FBXL7: variants seen among roughly 807,000 people sequenced by gnomAD.
FBXL7 encodes the protein F-box/LRR-repeat protein 7.
FBXL7 carries 12 observed loss-of-function variants against 38.3 expected under a neutral mutation model. The observed-to-expected ratio is 0.31, with a 90% CI of 0.20 to 0.51. FBXL7 has a LOEUF of 0.51. FBXL7 is among the 20% of genes least tolerant of loss of function. The pLI, the probability that FBXL7 is intolerant of heterozygous loss-of-function variation, is 0.98. For missense variants in FBXL7, 567 were observed against 676.4 expected (o/e 0.84, Z 1.79); for synonymous variants, 297 against 300.9 (o/e 0.99, Z 0.13).
At chr5:15,804,117 G>T (rs187025286) in intron 2 of FBXL7, among the ~76,000 whole-genome samples, 8 of 152,204 alleles carry the variant, frequency 5.3e-5, no homozygotes, top group Admixed American at 5.2e-4. Flanking sequence ...GTTAATTCCA[G>T]GATATTTTAC....
At chr5:15,845,386 C>T (rs1387843845) in intron 2 of FBXL7, among the ~76,000 whole-genome samples, 2 of 152,022 alleles carry the variant, frequency 1.3e-5, no homozygotes, top group Admixed American at 6.6e-5. Context: ...TTTTAAGTGT[C>T]AAGGTTATAG....
intron 2 of FBXL7, among the ~76,000 whole-genome samples, chr5:15,901,818 T>C (rs1201580662): frequency 6.6e-6 from 1 of 152,242 alleles, no homozygotes; most frequent in Non-Finnish European, 1.5e-5. Context: ...AATCTGGATA[T>C]GATTGCCGTG....
chr5:15,827,037 G>A (rs1053070632), intron 2 of FBXL7, among the ~76,000 whole-genome samples: 5 of 151,384 alleles, frequency 3.3e-5, no homozygotes, highest in African/African-American at 4.9e-5. Context: ...ATCACCTTCC[G>A]CACTTCCTGC....
In FBXL7 at chr5:15,517,050, A is replaced by G. The variant is rs1736961639; in HGVS notation, c.37+16337A>G. Among the ~76,000 whole-genome samples the G allele has an allele frequency of 5.3e-5, 8 of 151,706 alleles. No homozygotes were observed. The South Asian group carries it at 1.7e-3, about 32-fold the overall frequency. ...ATTTTTTATTTTTATTTTTTGAGGCAGAGTCTCGCTCTGTCGCCCAGGCTG... is the reference window on the plus strand; with the variant it reads ...ATTTTTTATTTTTATTTTTTGAGGCGGAGTCTCGCTCTGTCGCCCAGGCTG... On this transcript the variant is annotated intron_variant, in intron 1 of 3. Transcript: ENST00000504595.
intron 2 of FBXL7, among the ~76,000 whole-genome samples, chr5:15,914,093 G>A (rs1288564224): frequency 6.6e-6 from 1 of 152,182 alleles, no homozygotes; most frequent in African/African-American, 2.4e-5. Flanking sequence ...TATTAGAAAT[G>A]AGCAGGGGGC....
At chr5:15,501,357 T>G in intron 1 of FBXL7, 1 of 934,528 alleles carries the variant, frequency 1.1e-6, no homozygotes. Context: ...TAGGGAAACT[T>G]TAAACTCCAC....
intron 2 of FBXL7, among the ~76,000 whole-genome samples, chr5:15,760,145 G>T (rs1736399671): frequency 1.3e-5 from 2 of 152,006 alleles, no homozygotes; most frequent in South Asian, 2.1e-4. Flanking sequence ...GCATTGCTGG[G>T]AGAAGCCTCC....
chr5:15,890,254 G>A (rs1426049971), intron 2 of FBXL7, among the ~76,000 whole-genome samples: 1 of 151,824 alleles, frequency 6.6e-6, no homozygotes, highest in Non-Finnish European at 1.5e-5. Flanking sequence ...GATTCTTTTT[G>A]TTTTTTTGTT....
At chr5:15,774,295 T>A (rs1736803925) in intron 2 of FBXL7, among the ~76,000 whole-genome samples, 1 of 152,112 alleles carries the variant, frequency 6.6e-6, no homozygotes, top group Non-Finnish European at 1.5e-5. Context: ...ACCGGGATAA[T>A]CCAAAATAAC....
At chr5:15,582,742 G>A (rs1019613372) in intron 1 of FBXL7, among the ~76,000 whole-genome samples, 2 of 152,316 alleles carry the variant, frequency 1.3e-5, no homozygotes, top group Non-Finnish European at 2.9e-5. Context: ...AATACATGAT[G>A]TGCAATTGCC....
intron 1 of FBXL7, among the ~76,000 whole-genome samples, chr5:15,558,970 G>T (rs994587005): frequency 2.0e-5 from 3 of 152,196 alleles, no homozygotes; most frequent in African/African-American, 7.2e-5. Flanking sequence ...GGTCATGACA[G>T]GAATCAAATG....
chr5:15,768,572 T>C (rs911849014), intron 2 of FBXL7, among the ~76,000 whole-genome samples: 13 of 151,916 alleles, frequency 8.6e-5, no homozygotes, highest in Admixed American at 5.2e-4. Context: ...GCCACTGATA[T>C]ACAAACAGCC....
At chr5:15,840,858 A>G (rs1738728439) in intron 2 of FBXL7, among the ~76,000 whole-genome samples, 1 of 151,996 alleles carries the variant, frequency 6.6e-6, no homozygotes, top group African/African-American at 2.4e-5. Context: ...AAAAAAAAAA[A>G]AAAAAAAAAG....
At chr5:15,620,031 A>C (rs747100307) in intron 2 of FBXL7, among the ~76,000 whole-genome samples, 10 of 152,134 alleles carry the variant, frequency 6.6e-5, no homozygotes, top group Non-Finnish European at 1.5e-4. Context: ...TGGGAATGGG[A>C]ATTAACTGTA....
chr5:15,548,124 A>G (rs1737969795), intron 1 of FBXL7, among the ~76,000 whole-genome samples: 1 of 152,224 alleles, frequency 6.6e-6, no homozygotes, highest in African/African-American at 2.4e-5. Context: ...GAGTGCTCTA[A>G]TATTTCATTA....
At chr5:15,555,078 GGAATATTGACAA>G (rs1329584889) in intron 1 of FBXL7, among the ~76,000 whole-genome samples, 1 of 152,174 alleles carries the variant, frequency 6.6e-6, no homozygotes, top group East Asian at 1.9e-4. Context: ...GTCAGACTCT[GGAATATTGACAA>G]CAGAATGTTT....
At chr5:15,836,468 T>A (rs141196915) in intron 2 of FBXL7, among the ~76,000 whole-genome samples, 1 of 152,198 alleles carries the variant, frequency 6.6e-6, no homozygotes, top group African/African-American at 2.4e-5. Flanking sequence ...CAGTTTGAAA[T>A]AAGATGCCCT....
chr5:15,715,949 T>C (rs1042132215), intron 2 of FBXL7, among the ~76,000 whole-genome samples: 8 of 152,356 alleles, frequency 5.3e-5, no homozygotes, highest in Admixed American at 5.2e-4. Context: ...ATTTGCACGT[T>C]TGCAAAAGCT....
At chr5:15,733,662 G>T (rs182875615) in intron 2 of FBXL7, among the ~76,000 whole-genome samples, 1 of 152,320 alleles carries the variant, frequency 6.6e-6, no homozygotes. Flanking sequence ...AATGTTTGTT[G>T]TGGAGGGTGA....
Sources: allele counts gnomAD v4.1 joint callset (sites outside exome capture counted in the v4.1 genomes callset), GRCh38; gene constraint gnomAD v4.1.1; transcripts MANE v1.5; gene names NCBI Gene and HGNC (gene_info 2026-07-23, HGNC 2026-07-21).